Variants in EXOC4 observed in about 807,000 individuals in gnomAD.
The protein encoded by EXOC4 is SEC8-like 1.
Under a neutral mutation model 107.2 loss-of-function variants are expected in EXOC4, and 71 were observed. That is an observed-to-expected ratio of 0.66 (90% confidence interval 0.55 to 0.81). EXOC4 has a LOEUF of 0.81. EXOC4 is among the 30% of genes least tolerant of loss of function. EXOC4 has a pLI of 0.00. For missense variants in EXOC4, 1,108 were observed against 1,189.6 expected (o/e 0.93, Z 1.01); for synonymous variants, 456 against 441.2 (o/e 1.03, Z -0.42).
chr7:133,834,320 A>G (rs1797872485), intron 11 of EXOC4, among the ~76,000 whole-genome samples: 1 of 152,128 alleles, frequency 6.6e-6, no homozygotes, highest in East Asian at 1.9e-4. Flanking sequence ...TTTCTAGCTC[A>G]TTACAGACAC....
chr7:133,376,605 G>A (rs549692754), intron 7 of EXOC4, among the ~76,000 whole-genome samples: 2 of 152,166 alleles, frequency 1.3e-5, no homozygotes, highest in Admixed American at 6.5e-5. Context: ...TAGCCCTTTG[G>A]TCAGATATGA....
intron 11 of EXOC4, among the ~76,000 whole-genome samples, chr7:133,845,737 G>A (rs950327428): frequency 2.0e-5 from 3 of 152,112 alleles, no homozygotes; most frequent in Non-Finnish European, 2.9e-5. Context: ...GTTGCATGCA[G>A]TGAGCTAAAG....
At chr7:133,710,826 T>C (rs1794876216) in intron 10 of EXOC4, among the ~76,000 whole-genome samples, 1 of 150,810 alleles carries the variant, frequency 6.6e-6, no homozygotes, top group Non-Finnish European at 1.5e-5. Flanking sequence ...TTTGACATGA[T>C]ACTTTTTGCC....
chr7:133,816,656 A>G (rs1022639479), intron 10 of EXOC4, among the ~76,000 whole-genome samples: 11 of 152,172 alleles, frequency 7.2e-5, no homozygotes, highest in South Asian at 2.1e-4. Context: ...ATGGAAGACA[A>G]TGTTTCCACG....
chr7:133,802,255 A>G (rs1260388457), intron 10 of EXOC4, among the ~76,000 whole-genome samples: 1 of 152,224 alleles, frequency 6.6e-6, no homozygotes, highest in Non-Finnish European at 1.5e-5. Context: ...CCTCACATGT[A>G]AAATGGAAAT....
At chr7:133,810,596 CTT>C (rs1797201183) in intron 10 of EXOC4, among the ~76,000 whole-genome samples, 2 of 103,862 alleles carry the variant, frequency 1.9e-5, no homozygotes, top group Non-Finnish European at 4.0e-5. Flanking sequence ...CCATGCTTTG[CTT>C]TATTTTATTT....
At chr7:133,863,144 T>A in intron 11 of EXOC4, among the ~76,000 whole-genome samples, 1 of 152,152 alleles carries the variant, frequency 6.6e-6, no homozygotes, top group East Asian at 1.9e-4. Context: ...TTTTTTTCTT[T>A]AAAAAGAAAT....
intron 5 of EXOC4, among the ~76,000 whole-genome samples, chr7:133,335,591 C>T (rs1471836218): frequency 6.6e-6 from 1 of 152,146 alleles, no homozygotes; most frequent in African/African-American, 2.4e-5. Context: ...TTTTGTTTAT[C>T]CATTCATGTG....
At chr7:133,389,485 A>G (rs569444580) in intron 7 of EXOC4, among the ~76,000 whole-genome samples, 3 of 150,676 alleles carry the variant, frequency 2.0e-5, no homozygotes, top group Non-Finnish European at 4.4e-5. Flanking sequence ...AGGCAGGAGA[A>G]TCGCTTGAAC....
At chr7:133,721,581 GT>G (rs1795105677) in intron 10 of EXOC4, among the ~76,000 whole-genome samples, 1 of 152,190 alleles carries the variant, frequency 6.6e-6, no homozygotes, top group Admixed American at 6.6e-5. Context: ...GACACAGTAA[GT>G]TTTTGAATCT....
chr7:133,663,933 GCCCTAAATAATCTGC>G (rs1203085727), intron 10 of EXOC4, among the ~76,000 whole-genome samples: 2 of 152,014 alleles, frequency 1.3e-5, no homozygotes, highest in East Asian at 1.9e-4. Context: ...GTTTTACAGG[GCCCTAAATAATCTGC>G]CCCTACTGGT....
At position 133,372,248 on chromosome 7, in the gene EXOC4, A is replaced by G. The variant is rs763388699; in HGVS notation, c.1008-2580A>G. On this transcript the variant is annotated intron_variant, in intron 6 of 17. Transcript: ENST00000253861. ...AGAGCTGTGGGTTTTATTAAATAAT[A>G]TGACACCGTTGTGCTTCGGTAAGGC... is the stretch of plus-strand genomic sequence containing the variant. Among the ~76,000 whole-genome samples the G allele has an allele frequency of 5.3e-5, 8 of 152,222 alleles. No homozygotes were observed. In the South Asian group the frequency reaches 1.0e-3, roughly 20 times the overall value.
chr7:133,855,116 T>TATAA (rs1554409782), intron 11 of EXOC4, among the ~76,000 whole-genome samples: 172 of 79,582 alleles, frequency 2.2e-3, no homozygotes, highest in South Asian at 4.0e-3. Context: ...TATATATAAA[T>TATAA]ATATATATAT....
At chr7:133,281,473 CAAAG>C (rs1212455637) in intron 2 of EXOC4, among the ~76,000 whole-genome samples, 4 of 150,800 alleles carry the variant, frequency 2.7e-5, no homozygotes, top group East Asian at 1.9e-4. Context: ...TCAACAAAAA[CAAAG>C]AAGACATCTC....
chr7:133,656,797 A>G (rs917113297), intron 10 of EXOC4, among the ~76,000 whole-genome samples: 1 of 152,222 alleles, frequency 6.6e-6, no homozygotes, highest in Non-Finnish European at 1.5e-5. Context: ...GAAATGATAT[A>G]GTATAGCTTT....
intron 6 of EXOC4, among the ~76,000 whole-genome samples, chr7:133,371,409 C>T (rs536428773): frequency 5.9e-5 from 9 of 152,250 alleles, no homozygotes; most frequent in Admixed American, 5.9e-4. Context: ...CCACCCACCC[C>T]CAGCCTAAGT....
chr7:133,490,706 T>C (rs1454946877), intron 9 of EXOC4, among the ~76,000 whole-genome samples: 1 of 152,206 alleles, frequency 6.6e-6, no homozygotes, highest in African/African-American at 2.4e-5. Context: ...TTGGCCATTG[T>C]TCATCCTAGT....
chr7:134,069,287 C>G (rs1796235905), downstream of EXOC4, among the ~76,000 whole-genome samples: 1 of 72,156 alleles, frequency 1.4e-5, no homozygotes, highest in Non-Finnish European at 2.4e-5. Context: ...CCTCCTTCTC[C>G]CCCTCATTCT....
intron 11 of EXOC4, among the ~76,000 whole-genome samples, chr7:133,823,912 AATATAT>A (rs1563015185): frequency 1.0e-4 from 2 of 19,630 alleles, no homozygotes; most frequent in African/African-American, 4.2e-4. Context: ...TATATATATA[AATATAT>A]ATATAAATTA....
Sources: allele counts gnomAD v4.1 joint callset (sites outside exome capture counted in the v4.1 genomes callset), GRCh38; gene constraint gnomAD v4.1.1; transcripts MANE v1.5; gene names NCBI Gene and HGNC (gene_info 2026-07-23, HGNC 2026-07-21).